The following ZNF385D variants were observed in gnomAD, a reference collection of about 807,000 sequenced individuals.
The protein encoded by ZNF385D is zinc finger protein 385D, also known as zinc finger protein 659.
ZNF385D carries 15 observed loss-of-function variants against 35.8 expected under a neutral mutation model. That is an observed-to-expected ratio of 0.42 (90% CI 0.28 to 0.64). The LOEUF (loss-of-function observed/expected upper bound fraction) is 0.64. ZNF385D is among the 30% of genes least tolerant of loss of function. ZNF385D has a pLI of 0.23. For synonymous variants in ZNF385D, 212 were observed against 186.8 expected (o/e 1.13, Z -1.10); for missense variants, 474 against 494.6 (o/e 0.96, Z 0.39).
chr3:22,246,416 GTGAC>G (rs1375656254), intron 2 of ZNF385D, among the ~76,000 whole-genome samples: 14 of 152,070 alleles, frequency 9.2e-5, no homozygotes, highest in African/African-American at 3.4e-4. Flanking sequence ...TATGAATTGA[GTGAC>G]TATTTGTAGA....
At chr3:22,049,033 A>G (rs1010978808) in intron 3 of ZNF385D, among the ~76,000 whole-genome samples, 15 of 152,112 alleles carry the variant, frequency 9.9e-5, no homozygotes, top group African/African-American at 3.6e-4. Flanking sequence ...GTAGTGGCTC[A>G]GGCCTGTAAT....
intron 2 of ZNF385D, among the ~76,000 whole-genome samples, chr3:22,357,323 C>T (rs1232200089): frequency 6.6e-6 from 1 of 151,826 alleles, no homozygotes; most frequent in African/African-American, 2.4e-5. Context: ...GACAGGTTTT[C>T]TCACAGACCC....
intron 3 of ZNF385D, among the ~76,000 whole-genome samples, chr3:22,092,896 T>A (rs1352749946): frequency 6.6e-6 from 1 of 152,178 alleles, no homozygotes; most frequent in East Asian, 1.9e-4. Flanking sequence ...TAGTTCTCTA[T>A]TATTTATAAC....
At chr3:22,126,396 T>C (rs564714581) in intron 3 of ZNF385D, among the ~76,000 whole-genome samples, 1 of 151,760 alleles carries the variant, frequency 6.6e-6, no homozygotes, top group African/African-American at 2.4e-5. Flanking sequence ...GTATGTTGTG[T>C]TTCCATTTTC....
intron 3 of ZNF385D, among the ~76,000 whole-genome samples, chr3:21,936,604 G>A (rs548308678): frequency 2.9e-4 from 44 of 151,790 alleles, no homozygotes; most frequent in Non-Finnish European, 4.0e-4. Context: ...ATTGTTAAAT[G>A]TTTCCTCTAC....
intron 2 of ZNF385D, among the ~76,000 whole-genome samples, chr3:22,364,229 C>T (rs1696548379): frequency 6.6e-6 from 1 of 151,950 alleles, no homozygotes; most frequent in African/African-American, 2.4e-5. Flanking sequence ...ACATCAAAGG[C>T]ACTTGCAACA....
At chr3:22,351,597 T>C (rs1695918234) in intron 2 of ZNF385D, among the ~76,000 whole-genome samples, 1 of 152,106 alleles carries the variant, frequency 6.6e-6, no homozygotes, top group Admixed American at 6.6e-5. Flanking sequence ...TAGCTTCAAA[T>C]ACAAATACAT....
chr3:21,431,863 T>C (rs996597953), intron 5 of ZNF385D, among the ~76,000 whole-genome samples: 1 of 152,130 alleles, frequency 6.6e-6, no homozygotes, highest in Non-Finnish European at 1.5e-5. Flanking sequence ...AAATGAGCTT[T>C]TCACATGAAG....
chr3:21,824,442 G>T (rs71187442), intron 3 of ZNF385D, among the ~76,000 whole-genome samples: 28 of 104,834 alleles, frequency 2.7e-4, no homozygotes, highest in African/African-American at 8.5e-4. Context: ...TCTTTAAAAG[G>T]TCTCTCCCTT....
At chr3:21,625,655 G>A (rs2065115525) in intron 2 of ZNF385D, among the ~76,000 whole-genome samples, 1 of 151,990 alleles carries the variant, frequency 6.6e-6, no homozygotes, top group Non-Finnish European at 1.5e-5. Context: ...CCATTTTGAT[G>A]ACTGGTTGAG....
At chr3:21,941,434 T>C (rs1701510113) in intron 3 of ZNF385D, among the ~76,000 whole-genome samples, 1 of 151,368 alleles carries the variant, frequency 6.6e-6, no homozygotes, top group South Asian at 2.1e-4. Context: ...ATCTACCAAG[T>C]ATAGTGATTA....
intron 4 of ZNF385D, among the ~76,000 whole-genome samples, chr3:21,472,963 C>A (rs897132538): frequency 6.6e-6 from 1 of 151,768 alleles, no homozygotes; most frequent in African/African-American, 2.4e-5. Context: ...TTTCAGAATA[C>A]CAAAAATCTA....
At chr3:21,865,858 A>G (rs889688697) in intron 3 of ZNF385D, among the ~76,000 whole-genome samples, 1 of 152,138 alleles carries the variant, frequency 6.6e-6, no homozygotes, top group Non-Finnish European at 1.5e-5. Flanking sequence ...AATGCAATAT[A>G]AATATTGTAT....
intron 3 of ZNF385D, among the ~76,000 whole-genome samples, chr3:21,824,556 C>T (rs1265536799): frequency 1.3e-5 from 2 of 152,026 alleles, no homozygotes; most frequent in African/African-American, 2.4e-5. Flanking sequence ...AATGTATCCT[C>T]ATCATATATC....
intron 3 of ZNF385D, among the ~76,000 whole-genome samples, chr3:21,871,217 G>C (rs145317708): frequency 9.2e-5 from 14 of 152,114 alleles, no homozygotes; most frequent in African/African-American, 1.9e-4. Context: ...CCTCTACCTA[G>C]AACATTCTTC....
chr3:21,563,470 T>TGAG (rs1195968219), intron 3 of ZNF385D, among the ~76,000 whole-genome samples: 1 of 152,238 alleles, frequency 6.6e-6, no homozygotes, highest in Non-Finnish European at 1.5e-5. Context: ...TTAGTAAGTA[T>TGAG]GAGTTCTTAA....
At position 21,663,700 on chromosome 3, in the gene ZNF385D, G is replaced by A. The variant is rs116565039; in HGVS notation, c.165+1186C>T. ...ATTTATGAGATATCAATTTCAAAAC[G>A]AGATTCGTATGGAAAATTCCTCTCC... On this transcript the variant is annotated intron_variant, in intron 2 of 7. Transcript: ENST00000281523. Among the ~76,000 whole-genome samples the A allele has an allele frequency of 8.8e-3, 1,326 of 151,422 alleles. 21 individuals carry two copies. Among genetic ancestry groups the A allele is most frequent in the African/African-American group, 0.031 (1,284 of 41,276 alleles).
At chr3:21,443,150 G>C (rs1701954916) in intron 4 of ZNF385D, 5 of 985,318 alleles carry the variant, frequency 5.1e-6, no homozygotes, top group Non-Finnish European at 6.0e-6. Flanking sequence ...GAAATCAAGT[G>C]CTCCACTCCA....
chr3:21,846,867 T>C (rs1486367), intron 3 of ZNF385D, among the ~76,000 whole-genome samples: 4,346 of 152,106 alleles, frequency 0.029, 168 homozygotes, highest in East Asian at 0.11. Context: ...GACCAAAATA[T>C]AGTATCTGTC....
Sources: gnomAD v4.1 joint callset for allele counts (sites outside exome capture counted in the v4.1 genomes callset) on GRCh38, gnomAD v4.1.1 for gene constraint, MANE v1.5 for transcripts, NCBI Gene and HGNC (gene_info 2026-07-23, HGNC 2026-07-21) for gene names.